Variants in AHCYL2 observed in about 807,000 individuals in gnomAD.
The protein encoded by AHCYL2 is adenosylhomocysteinase like 2.
AHCYL2 carries 28 observed loss-of-function variants against 81.4 expected under a neutral mutation model. The ratio of observed to expected loss-of-function variants is 0.34; its 90% CI spans 0.25 to 0.47. The LOEUF (loss-of-function observed/expected upper bound fraction) is 0.47, where lower values mean the gene tolerates loss of function less well. Ranked by LOEUF, AHCYL2 falls within the 20% of genes least tolerant of loss-of-function variation. The pLI, the probability that AHCYL2 is intolerant of heterozygous loss-of-function variation, is 1.00. For missense variants in AHCYL2, 551 were observed against 785.1 expected, an observed-to-expected ratio of 0.70 and a Z score of 3.56; for synonymous variants, 272 against 290.2, an observed-to-expected ratio of 0.94 and a Z score of 0.64.
chr7:129,270,619 G>C (rs993418623), intron 1 of AHCYL2, among the ~76,000 whole-genome samples: 2 of 152,182 alleles, frequency 1.3e-5, no homozygotes, highest in African/African-American at 4.8e-5. Flanking sequence ...TTGAAAATCA[G>C]TGTTAAGTAC....
rs1323034252 is a variant in AHCYL2 at position 129,419,103 on chromosome 7, TAAG to T, written c.1462-3733_1462-3731del. On this transcript the variant is annotated intron_variant, in intron 12 of 16. Coordinates refer to ENST00000325006, the MANE Select transcript of AHCYL2 (RefSeq NM_015328.4). The surrounding 1 kb of genome is among the most constrained non-coding windows in gnomAD (Gnocchi z 4.7). ...CTTGAGATGTTGCCTGTTGCATATT[TAAG>T]AAGGAGTAGCTCATCAAAAGAGTTG... Among the ~76,000 whole-genome samples, 1 of 152,228 alleles carries T rather than the reference TAAG, an allele frequency of 6.6e-6. No individual in the cohort carries two copies. The highest frequency in any genetic ancestry group is 1.5e-5 in the Non-Finnish European group (1 of 68,034).
chr7:129,412,240 T>C (rs1162958518), intron 11 of AHCYL2, among the ~76,000 whole-genome samples: 1 of 151,646 alleles, frequency 6.6e-6, no homozygotes, highest in Non-Finnish European at 1.5e-5. Context: ...GGAGCTGAAG[T>C]GGAGAATCAC....
intron 6 of AHCYL2, among the ~76,000 whole-genome samples, chr7:129,400,798 C>T (rs1795995725): frequency 6.6e-6 from 1 of 151,988 alleles, no homozygotes; most frequent in South Asian, 2.1e-4. Flanking sequence ...AATCCATATA[C>T]TTGTAATGTT....
At chr7:129,415,647 AG>A (rs1245132199) in intron 12 of AHCYL2, among the ~76,000 whole-genome samples, 1 of 151,470 alleles carries the variant, frequency 6.6e-6, no homozygotes, top group African/African-American at 2.4e-5. Flanking sequence ...AAAAAAAAAA[AG>A]AAAAAGAATA....
chr7:129,404,356 A>G (rs1176003396), intron 7 of AHCYL2, among the ~76,000 whole-genome samples: 1 of 152,170 alleles, frequency 6.6e-6, no homozygotes, highest in East Asian at 1.9e-4. Context: ...TTTCACCCAT[A>G]AAGAACTAAA....
intron 1 of AHCYL2, among the ~76,000 whole-genome samples, chr7:129,320,762 C>T (rs764811199): frequency 1.8e-4 from 28 of 152,252 alleles, no homozygotes; most frequent in Non-Finnish European, 3.5e-4. Flanking sequence ...TAAATAAATT[C>T]CCCTACCCAT....
Position 129,397,281 on chromosome 7 carries a change from C to A in AHCYL2, c.780C>A (p.Ile260=), listed in dbSNP as rs1357138872. 1 of 1,614,200 alleles carries A rather than the reference C, an allele frequency of 6.2e-7. No homozygotes were observed. The highest frequency in any genetic ancestry group is 2.2e-5 in the East Asian group (1 of 44,880). ...GAQCRWAACN[I]YSTLNEVAAA... ...AGTGCCGATGGGCTGCCTGCAACAT[C>A]TATTCCACTCTCAATGAAGTGGCTG... Residue 260 remains isoleucine (I), a synonymous_variant, in exon 5 of 17, where the codon ATC becomes ATA. Coordinates refer to ENST00000325006, the MANE Select transcript of AHCYL2 (RefSeq NM_015328.4).
intron 1 of AHCYL2, among the ~76,000 whole-genome samples, chr7:129,283,888 GGAATA>G (rs2150742710): frequency 6.6e-6 from 1 of 151,826 alleles, no homozygotes; most frequent in Admixed American, 6.6e-5. Context: ...AACCCACCCA[GGAATA>G]GAATAAAGAA....
At chr7:129,393,545 T>C (rs1795570070) in intron 4 of AHCYL2, among the ~76,000 whole-genome samples, 2 of 152,274 alleles carry the variant, frequency 1.3e-5, no homozygotes, top group African/African-American at 4.8e-5. Context: ...CATTGTTTCC[T>C]ATTTTATTTA....
chr7:129,321,744 T>C (rs1192195694), intron 1 of AHCYL2, among the ~76,000 whole-genome samples: 2 of 29,466 alleles, frequency 6.8e-5, no homozygotes, highest in East Asian at 2.5e-3. Context: ...TCTTTCTTTG[T>C]TTTTTTTTTT....
At chr7:129,375,137 A>C (rs1170106705) in intron 1 of AHCYL2, among the ~76,000 whole-genome samples, 1 of 152,188 alleles carries the variant, frequency 6.6e-6, no homozygotes, top group African/African-American at 2.4e-5. Context: ...CTCTGTGCCA[A>C]ATCAGCAACA....
At chr7:129,238,819 G>A (rs2150685663) in intron 1 of AHCYL2, among the ~76,000 whole-genome samples, 1 of 152,250 alleles carries the variant, frequency 6.6e-6, no homozygotes, top group South Asian at 2.1e-4. Context: ...GGCGTGGTGG[G>A]GCGGGTGCCT....
intron 1 of AHCYL2, among the ~76,000 whole-genome samples, chr7:129,249,676 C>T (rs546579363): frequency 1.9e-3 from 289 of 151,238 alleles, no homozygotes; most frequent in African/African-American, 6.5e-3. Context: ...CCACCCGCCT[C>T]GGCCTCCCAA....
At chr7:129,390,456 C>T (rs964217912) in intron 4 of AHCYL2, among the ~76,000 whole-genome samples, 1 of 152,086 alleles carries the variant, frequency 6.6e-6, no homozygotes, top group African/African-American at 2.4e-5. Flanking sequence ...AAGAAATGAA[C>T]AACAGTAACT....
intron 1 of AHCYL2, among the ~76,000 whole-genome samples, chr7:129,240,752 A>G (rs1346326880): frequency 1.3e-5 from 2 of 151,998 alleles, no homozygotes; most frequent in Non-Finnish European, 2.9e-5. Flanking sequence ...CCTGAGTCAT[A>G]TAAGTCTGCC....
intron 1 of AHCYL2, among the ~76,000 whole-genome samples, chr7:129,266,390 G>C (rs746925627): frequency 2.0e-5 from 3 of 152,172 alleles, no homozygotes; most frequent in Non-Finnish European, 4.4e-5. Flanking sequence ...GGCTGGGCGT[G>C]GTGGCTCACG....
At chr7:129,417,525 T>C (rs1444339525) in intron 12 of AHCYL2, among the ~76,000 whole-genome samples, 1 of 152,222 alleles carries the variant, frequency 6.6e-6, no homozygotes, top group Non-Finnish European at 1.5e-5. Context: ...TTTGCAAGTA[T>C]TGCCAGGTGG....
chr7:129,303,443 A>G (rs536438403), intron 1 of AHCYL2, among the ~76,000 whole-genome samples: 1 of 152,156 alleles, frequency 6.6e-6, no homozygotes, highest in East Asian at 1.9e-4. Context: ...ATTTATTGGC[A>G]TATAATTGCT....
intron 1 of AHCYL2, among the ~76,000 whole-genome samples, chr7:129,341,083 A>G (rs2150816076): frequency 6.6e-6 from 1 of 152,328 alleles, no homozygotes; most frequent in Middle Eastern, 3.4e-3. Flanking sequence ...CAAGAGAAAA[A>G]CAAAGTTTTT....
Sources: allele counts gnomAD v4.1 joint callset (sites outside exome capture counted in the v4.1 genomes callset), GRCh38; gene constraint gnomAD v4.1.1; non-coding constraint Gnocchi (gnomAD v3.1); transcripts MANE v1.5; gene names NCBI Gene and HGNC (gene_info 2026-07-23, HGNC 2026-07-21).